The following RTN3 variants were observed in gnomAD, a reference collection of about 807,000 sequenced individuals.
RTN3 encodes reticulon 3, also known as reticulon-3.
In RTN3, 49 loss-of-function variants were observed where a neutral mutation model predicts 77.8. The ratio of observed to expected loss-of-function variants is 0.63; its 90% CI spans 0.50 to 0.80. The LOEUF is 0.80. Among genes scored for constraint, RTN3 ranks in the 30% least tolerant of loss-of-function variants. The pLI, the probability that RTN3 is intolerant of heterozygous loss-of-function variation, is 0.00. For synonymous variants in RTN3, 464 were observed against 446.9 expected (o/e 1.04, Z -0.48); for missense variants, 1,236 against 1,211.9 (o/e 1.02, Z -0.29).
Position 63,719,913 on chromosome 11 carries a change from G to T in RTN3, c.1411G>T (p.Val471Phe), listed in dbSNP as rs1713485052. 1.2e-6 allele frequency: 2 copies of T among 1,613,984 alleles called. No homozygotes were observed. The highest frequency in any genetic ancestry group is 2.2e-5 in the East Asian group (1 of 44,892). ...TTCTGGAGTGGCCACAGTGAAAGTG[G>T]TTTTACCTGATGACCACCTGAAAGA... The part of the protein sequence containing the change: ...LGSGVATVKV[V>F]LPDDHLKDEM... Residue 471 changes from valine to phenylalanine, a missense_variant, in exon 3 of 9, where the codon GTT becomes TTT. Val to Phe is a conservative substitution (Grantham distance 50, BLOSUM62 -1). Around this residue, in one of 3 missense-constraint regions of RTN3, gnomAD observed 1,056 missense variants for 990.4 expected, o/e 1.07. Transcript: ENST00000377819.
At position 63,727,231 on chromosome 11, in the gene RTN3, AAC is replaced by A. The variant is rs1411471413; in HGVS notation, c.2530+6203_2530+6204del. On this transcript the variant is annotated intron_variant, in intron 3 of 8. Coordinates refer to ENST00000377819, the MANE Select transcript of RTN3 (RefSeq NM_001265589.2). ...GTAATGATACTCTCCAGAGGAATAGAACACAGTCTGGAATTTGTACAGCATAA... is the reference window on the plus strand; with the variant it reads ...GTAATGATACTCTCCAGAGGAATAGAACAGTCTGGAATTTGTACAGCATAA... 2.6e-5 allele frequency among the ~76,000 whole-genome samples: 4 copies of A among 152,238 alleles called. No homozygotes were observed. In the East Asian group the frequency reaches 7.7e-4, roughly 29 times the overall value.
intron 3 of RTN3, among the ~76,000 whole-genome samples, chr11:63,731,642 CTTTA>C (rs916866384): frequency 1.3e-5 from 2 of 151,902 alleles, no homozygotes; most frequent in African/African-American, 4.8e-5. Context: ...AATTATATAG[CTTTA>C]TTTATTTTTT....
intron 3 of RTN3, among the ~76,000 whole-genome samples, chr11:63,732,295 C>T (rs1446532461): frequency 3.9e-5 from 6 of 152,090 alleles, no homozygotes; most frequent in Non-Finnish European, 8.8e-5. Context: ...GCTAGGACTA[C>T]AGGCAGGCAT....
chr11:63,683,487 T>A (rs137940594), intron 1 of RTN3, among the ~76,000 whole-genome samples: 290 of 152,344 alleles, frequency 1.9e-3, no homozygotes, highest in Middle Eastern at 0.014. Context: ...TGAAGAGTCA[T>A]TTTAGTTAGC....
At chr11:63,748,537 CAG>C (rs2013924544) in intron 3 of RTN3, among the ~76,000 whole-genome samples, 1 of 151,092 alleles carries the variant, frequency 6.6e-6, no homozygotes. Context: ...TTAGTAGAGA[CAG>C]GGGTCTCACC....
intron 1 of RTN3, among the ~76,000 whole-genome samples, chr11:63,690,685 C>G (rs988484488): frequency 6.6e-6 from 1 of 152,134 alleles, no homozygotes; most frequent in African/African-American, 2.4e-5. Context: ...AGCCAGGTGC[C>G]TTTTTATTTC....
intron 1 of RTN3, among the ~76,000 whole-genome samples, chr11:63,683,254 CT>C (rs1941163353): frequency 6.6e-6 from 1 of 152,168 alleles, no homozygotes; most frequent in Admixed American, 6.5e-5. Context: ...AACCACCAGC[CT>C]TTTCTCCAAA....
At chr11:63,714,185 C>A in intron 2 of RTN3, 6 of 333,686 alleles carry the variant, frequency 1.8e-5, no homozygotes, top group Non-Finnish European at 3.0e-5. Context: ...TTTCAGCTAG[C>A]CAAAAATGGT....
chr11:63,720,394 C>T lies in RTN3; in HGVS notation c.1892C>T (p.Thr631Ile), dbSNP rs1353005790. The change falls in exon 3 of 9, where the codon ACA (threonine) becomes ATA (isoleucine). Residue 631 changes from threonine (T) to isoleucine (I), a missense_variant. Coordinates refer to ENST00000377819, the MANE Select transcript of RTN3 (RefSeq NM_001265589.2). Reference protein sequence around the residue: ...NETEFSLNVTTSAYLESLHGK... With the variant: ...NETEFSLNVTISAYLESLHGK... ...ACAGAATTCTCATTAAATGTGACAA[C>T]ATCTGCCTATTTGGAGTCATTACAT... is the stretch of plus-strand genomic sequence containing the variant. 1.2e-6 allele frequency: 2 copies of T among 1,613,950 alleles called. No individual in the cohort carries two copies. Among genetic ancestry groups the T allele is most frequent in the Non-Finnish European group, 1.7e-6 (2 of 1,180,010 alleles).
intron 4 of RTN3, among the ~76,000 whole-genome samples, chr11:63,751,724 A>T (rs1490971505): frequency 6.6e-6 from 1 of 152,156 alleles, no homozygotes; most frequent in African/African-American, 2.4e-5. Flanking sequence ...AGGTGCGGTG[A>T]CTTACGCATG....
chr11:63,696,543 A>AT (rs71039663), intron 1 of RTN3, among the ~76,000 whole-genome samples: 103,043 of 118,290 alleles, frequency 0.87, 46,457 homozygotes, highest in East Asian at 0.98. Context: ...CCCTGTCACT[A>AT]TTTTTTTTTT....
At chr11:63,728,686 G>C (rs1430615130) in intron 3 of RTN3, among the ~76,000 whole-genome samples, 1 of 152,036 alleles carries the variant, frequency 6.6e-6, no homozygotes, top group African/African-American at 2.4e-5. Context: ...TCAGGAGTTC[G>C]AGACCAGCCT....
chr11:63,753,271 C>G, intron 6 of RTN3, 133 bp downstream of exon 6: 2 of 790,974 alleles, frequency 2.5e-6, no homozygotes, highest in Admixed American at 2.6e-5. Flanking sequence ...GGAGTAGAGG[C>G]ACTGGAGGAA....
intron 1 of RTN3, among the ~76,000 whole-genome samples, chr11:63,686,965 A>G (rs1034624015): frequency 6.6e-5 from 10 of 152,196 alleles, no homozygotes; most frequent in Admixed American, 3.9e-4. Context: ...TGCTTTAAAT[A>G]TTTCTTTCCT....
Position 63,736,619 on chromosome 11 carries a change from C to T in RTN3, c.2531-13372C>T, listed in dbSNP as rs188420975. Among the ~76,000 whole-genome samples the T allele has an allele frequency of 5.6e-3, 855 of 152,220 alleles. 5 individuals are homozygous for T. Among genetic ancestry groups the T allele is most frequent in the African/African-American group, 0.019 (793 of 41,546 alleles). On this transcript the variant is annotated intron_variant, in intron 3 of 8. Coordinates refer to ENST00000377819, the MANE Select transcript of RTN3 (RefSeq NM_001265589.2). ...AGTAGAATCGCTTGAACCCGGGAGG[C>T]GGAGGTTGCAGTGAGCCAAGATTGC...
At position 63,685,164 on chromosome 11, in the gene RTN3, T is replaced by G. The variant is rs543630005; in HGVS notation, c.142+3386T>G. ...GGCCCAATGCAAGATCCTCATTTGT[T>G]GGGTCACTACTTGAACATAAAAGTT... is the stretch of plus-strand genomic sequence containing the variant. On this transcript the variant is annotated intron_variant, in intron 1 of 8. Transcript: ENST00000377819. 2.0e-5 allele frequency among the ~76,000 whole-genome samples: 3 copies of G among 152,228 alleles called. No individual in the cohort carries two copies. In the South Asian group the frequency reaches 6.2e-4, roughly 32 times the overall value.
chr11:63,720,857 G>A lies in RTN3; in HGVS notation c.2355G>A (p.Trp785Ter). The A allele has an allele frequency of 1.2e-6, 2 of 1,613,962 alleles. No homozygotes were observed. Among genetic ancestry groups the A allele is most frequent in the Non-Finnish European group, 1.7e-6 (2 of 1,179,992 alleles). ...KQTFTFAPES[W>*]PQRSYDILER... ...CTTTCACATTTGCTCCAGAATCTTG[G>A]CCACAGAGATCATATGACATCCTAG... The change falls in exon 3 of 9, where the codon TGG becomes TGA. Residue 785 changes from tryptophan (W) to a stop codon, truncating the protein, a stop_gained. Coordinates refer to ENST00000377819, the MANE Select transcript of RTN3 (RefSeq NM_001265589.2). LOFTEE classifies it high-confidence loss of function.
At chr11:63,684,075 C>T (rs993635397) in intron 1 of RTN3, among the ~76,000 whole-genome samples, 1 of 147,246 alleles carries the variant, frequency 6.8e-6, no homozygotes, top group African/African-American at 2.5e-5. Flanking sequence ...CTTCAGCCAC[C>T]CGAGTAGCTG....
Position 63,720,449 on chromosome 11 carries a change from C to A in RTN3, c.1947C>A (p.Ser649=), listed in dbSNP as rs535327717. Residue 649 remains serine (S), a synonymous_variant, in exon 3 of 9, where the codon TCC becomes TCA. Transcript: ENST00000377819. ...HGKNVKHIDD[S]SPEDLIAAFT... ...AAAATGTTAAACATATAGATGATTCCTCCCCAGAGGACCTGATAGCAGCCT... is the reference window on the plus strand; with the variant it reads ...AAAATGTTAAACATATAGATGATTCATCCCCAGAGGACCTGATAGCAGCCT... 1 of 1,613,322 alleles carries A rather than the reference C, an allele frequency of 6.2e-7. No individual in the cohort carries two copies. Among genetic ancestry groups the A allele is most frequent in the Admixed American group, 1.7e-5 (1 of 59,934 alleles).
Sources: allele counts gnomAD v4.1 joint callset (sites outside exome capture counted in the v4.1 genomes callset), GRCh38; gene constraint gnomAD v4.1.1; regional missense constraint gnomAD v4.1.1; transcripts MANE v1.5; gene names NCBI Gene and HGNC (gene_info 2026-07-23, HGNC 2026-07-21).